The following TENM1 variants were observed in gnomAD, a reference collection of about 807,000 sequenced individuals.
TENM1 encodes teneurin transmembrane protein 1, also known as teneurin-1.
In TENM1, 35 loss-of-function variants were observed where a neutral mutation model predicts 174.8. The ratio of observed to expected loss-of-function variants is 0.20; its 90% CI spans 0.15 to 0.27. TENM1 has a LOEUF of 0.27. Among genes scored for constraint, TENM1 ranks in the 10% least tolerant of loss-of-function variants. The pLI, the probability that TENM1 is intolerant of heterozygous loss-of-function variation, is 1.00. For synonymous variants in TENM1, 781 were observed against 798.7 expected (o/e 0.98, Z 0.37); for missense variants, 1,633 against 2,130.1 (o/e 0.77, Z 4.59).
At chrX:124,723,632 C>T (rs1208478684) in intron 4 of TENM1, among the ~76,000 whole-genome samples, 1 of 90,379 alleles carries the variant, frequency 1.1e-5, no homozygotes, top group Admixed American at 1.3e-4. Flanking sequence ...GACGGAGTCT[C>T]ACTCTGTCAT....
chrX:124,652,049 A>G, exon 8 of TENM1: 1 of 1,211,672 alleles, frequency 8.3e-7, no homozygotes, highest in Non-Finnish European at 1.1e-6. Flanking sequence ...TTCCGAGGGG[A>G]GTGCTGTGTA....
chrX:124,711,412 G>T (rs896297217), intron 4 of TENM1, among the ~76,000 whole-genome samples: 2 of 112,088 alleles, frequency 1.8e-5, no homozygotes, highest in Non-Finnish European at 3.8e-5. Context: ...GAAACAGACA[G>T]AAATCTATGA....
chrX:124,383,854 G>A (rs759628613), exon 30 of TENM1: 1 of 1,210,888 alleles, frequency 8.3e-7, no homozygotes, highest in Non-Finnish European at 1.1e-6. Flanking sequence ...TGACCTGAAA[G>A]TCAGGGTAAG....
intron 25 of TENM1, among the ~76,000 whole-genome samples, chrX:124,414,634 C>T (rs760231171): frequency 9.0e-6 from 1 of 111,109 alleles, no homozygotes; most frequent in East Asian, 2.8e-4. Context: ...TGATCCTGGT[C>T]CAAGTCAAAT....
the TENM1 span, among the ~76,000 whole-genome samples, chrX:125,183,556 C>T: frequency 1.8e-5 from 2 of 111,852 alleles, no homozygotes; most frequent in East Asian, 2.8e-4. Context: ...TGACCTCGAA[C>T]GACCATCATG....
intron 3 of TENM1, among the ~76,000 whole-genome samples, chrX:124,754,630 T>G (rs2054178119): frequency 9.0e-6 from 1 of 111,073 alleles, no homozygotes; most frequent in Non-Finnish European, 1.9e-5. Context: ...CATTTAGTGC[T>G]ATAAATTTCC....
the TENM1 span, among the ~76,000 whole-genome samples, chrX:125,110,049 G>A: frequency 9.0e-6 from 1 of 111,483 alleles, no homozygotes; most frequent in Non-Finnish European, 1.9e-5. Flanking sequence ...TAATTCTTAT[G>A]GGACAGAAGA....
At chrX:124,723,603 G>GTTT (rs1198093791) in intron 4 of TENM1, among the ~76,000 whole-genome samples, 12 of 74,927 alleles carry the variant, frequency 1.6e-4, no homozygotes, top group Non-Finnish European at 2.5e-4. Context: ...TTTTTTTTTT[G>GTTT]TTTTTTTTTT....
intron 11 of TENM1, among the ~76,000 whole-genome samples, chrX:124,590,050 T>C (rs2049692603): frequency 1.8e-5 from 2 of 112,143 alleles, no homozygotes; most frequent in African/African-American, 3.2e-5. Flanking sequence ...CATTCAGCGC[T>C]ATAAACTTTC....
the TENM1 span, among the ~76,000 whole-genome samples, chrX:125,114,230 C>T: frequency 9.0e-6 from 1 of 111,465 alleles, no homozygotes; most frequent in Non-Finnish European, 1.9e-5. Flanking sequence ...AAAGACATAA[C>T]GTACCAGAAT....
At chrX:124,683,897 T>C (rs1414784960) in intron 5 of TENM1, among the ~76,000 whole-genome samples, 2 of 112,152 alleles carry the variant, frequency 1.8e-5, no homozygotes, top group Admixed American at 1.9e-4. Context: ...ATGATATCAA[T>C]AGATGTGGGA....
rs559978088 is a variant in TENM1 at position 124,946,454 on chromosome X, A to G, written c.217+17083T>C. Among the ~76,000 whole-genome samples the G allele has an allele frequency of 7.8e-4, 87 of 111,675 alleles. 1 individual carries two copies. In the South Asian group the frequency reaches 0.031, roughly 39 times the overall value. On this transcript the variant is annotated intron_variant, in intron 1 of 31. Transcript: ENST00000422452. The stretch of plus-strand genomic sequence containing the variant: ...GGAATAAGTGTAGCAAAGGTAAGAG[A>G]AGAGGTCTGAAGGCTGGATTCTCAG...
At chrX:124,590,692 T>C (rs770134257) in intron 11 of TENM1, among the ~76,000 whole-genome samples, 2 of 112,125 alleles carry the variant, frequency 1.8e-5, no homozygotes, top group Non-Finnish European at 3.8e-5. Flanking sequence ...CATGTGCAGA[T>C]GAGAAGAATG....
intron 3 of TENM1, among the ~76,000 whole-genome samples, chrX:124,835,965 A>G (rs1405430230): frequency 8.9e-6 from 1 of 111,776 alleles, no homozygotes; most frequent in Non-Finnish European, 1.9e-5. Flanking sequence ...TGGGCTATGG[A>G]AAGGCTCATG....
At chrX:124,385,365 A>T (rs982474070) in intron 29 of TENM1, among the ~76,000 whole-genome samples, 2 of 112,247 alleles carry the variant, frequency 1.8e-5, no homozygotes, top group Non-Finnish European at 3.8e-5. Flanking sequence ...TTTCAGTGAG[A>T]CTTATATCTT....
At chrX:124,754,575 A>T (rs1176909435) in intron 3 of TENM1, among the ~76,000 whole-genome samples, 1 of 110,196 alleles carries the variant, frequency 9.1e-6, no homozygotes, top group Admixed American at 9.7e-5. Flanking sequence ...TTTAATTGTG[A>T]TGTTAGGGTG....
the TENM1 span, among the ~76,000 whole-genome samples, chrX:125,106,639 G>A: frequency 1.8e-5 from 2 of 111,453 alleles, no homozygotes; most frequent in Admixed American, 1.9e-4. Context: ...TCCATCTCCT[G>A]ACCTCGTGAT....
intron 1 of TENM1, among the ~76,000 whole-genome samples, chrX:124,934,154 A>G (rs1348717045): frequency 1.8e-5 from 2 of 112,092 alleles, no homozygotes; most frequent in Non-Finnish European, 3.8e-5. Context: ...TATTGGAGAT[A>G]TATCTGTCTA....
chrX:124,721,971 T>G (rs1178908009), intron 4 of TENM1, among the ~76,000 whole-genome samples: 1 of 112,208 alleles, frequency 8.9e-6, no homozygotes, highest in East Asian at 2.8e-4. Context: ...TAGCTAAGCC[T>G]TTTGATTTTG....
Sources: allele counts gnomAD v4.1 joint callset (sites outside exome capture counted in the v4.1 genomes callset), GRCh38; gene constraint gnomAD v4.1.1; transcripts MANE v1.5; gene names NCBI Gene and HGNC (gene_info 2026-07-23, HGNC 2026-07-21).